The following SPPL2A variants were observed in gnomAD, a reference collection of about 807,000 sequenced individuals.
The protein encoded by SPPL2A is signal peptide peptidase like 2A, also known as signal peptide peptidase-like 2A.
In SPPL2A, 51 loss-of-function variants were observed where a neutral mutation model predicts 63.8. That is an observed-to-expected ratio of 0.80 (90% CI 0.64 to 1.01). SPPL2A has a LOEUF of 1.01. SPPL2A is among the 50% of genes least tolerant of loss of function. The pLI, the probability that SPPL2A is intolerant of heterozygous loss-of-function variation, is 0.00. For missense variants in SPPL2A, 553 were observed against 622.7 expected (o/e 0.89, Z 1.19); for synonymous variants, 188 against 205.8 (o/e 0.91, Z 0.74).
At position 50,765,536 on chromosome 15, in the gene SPPL2A, G is replaced by C; in HGVS notation, c.-3C>G. 3 of 1,494,088 alleles carry C rather than the reference G, an allele frequency of 2.0e-6. No homozygotes were observed. The highest frequency in any genetic ancestry group is 2.7e-6 in the Non-Finnish European group (3 of 1,129,508). 92.6% of individuals were successfully genotyped at this position (1,494,088 alleles called of 1,614,324 possible). A position where few individuals can be genotyped will look rare whatever the true frequency, so the allele number is the denominator to read the frequency against. ...GACAGCCGCCGCTGCGGCCCCATCG[G>C]ACTGGTGGGTGCCGGGTGGGACGGC... On this transcript the variant is annotated 5_prime_UTR_variant, in exon 1 of 15. Coordinates refer to ENST00000261854, the MANE Select transcript of SPPL2A (RefSeq NM_032802.4).
At chr15:50,736,868 G>C (rs562990015) in intron 6 of SPPL2A, 128 bp from the exon 7 acceptor site, 1 of 515,406 alleles carries the variant, frequency 1.9e-6, no homozygotes, top group African/African-American at 2.0e-5. Context: ...ACTATACGAT[G>C]ACCTGAATTA....
chr15:50,747,342 G>A (rs1411141898), intron 5 of SPPL2A, among the ~76,000 whole-genome samples, 153 bp downstream of exon 5: 2 of 152,178 alleles, frequency 1.3e-5, no homozygotes, highest in African/African-American at 2.4e-5. Context: ...TGGTGAAAAT[G>A]TAAATGATCT....
At chr15:50,709,678 T>A (rs2062541740) in intron 14 of SPPL2A, among the ~76,000 whole-genome samples, 2 of 151,888 alleles carry the variant, frequency 1.3e-5, no homozygotes, top group South Asian at 4.2e-4. Flanking sequence ...ATCCCAAACC[T>A]ACTCGGGAGA....
chr15:50,749,774 T>A, intron 1 of SPPL2A, 28 bp from the exon 2 acceptor site: 1 of 1,397,704 alleles, frequency 7.2e-7, no homozygotes, highest in Non-Finnish European at 1.0e-6. Context: ...ACTTTCAAAC[T>A]TGCAATGTTA....
At chr15:50,707,951 T>C in intron 14 of SPPL2A, 77 bp from the exon 15 acceptor site, 1 of 785,600 alleles carries the variant, frequency 1.3e-6, no homozygotes, top group Non-Finnish European at 2.3e-6. Flanking sequence ...GCAAAAGGAT[T>C]CTTTTTCTAA....
At chr15:50,753,340 A>G (rs2062925740) in intron 1 of SPPL2A, among the ~76,000 whole-genome samples, 1 of 152,246 alleles carries the variant, frequency 6.6e-6, no homozygotes, top group African/African-American at 2.4e-5. Context: ...TGAGGGAGCC[A>G]GCATGCCCAA....
chr15:50,755,188 C>T (rs973538247), intron 1 of SPPL2A, among the ~76,000 whole-genome samples: 2 of 151,622 alleles, frequency 1.3e-5, no homozygotes, highest in Admixed American at 6.6e-5. Flanking sequence ...CGTGGTGGCA[C>T]GTGCCTATAG....
intron 1 of SPPL2A, among the ~76,000 whole-genome samples, chr15:50,752,268 G>T (rs28859950): frequency 1 from 152,292 of 152,292 alleles, 76,146 homozygotes; most frequent in Non-Finnish European, 1. Flanking sequence ...CCAAATTTGG[G>T]CATTTAGAAC....
chr15:50,741,312 A>T (rs1048629446), intron 5 of SPPL2A, among the ~76,000 whole-genome samples: 1 of 151,714 alleles, frequency 6.6e-6, no homozygotes, highest in African/African-American at 2.4e-5. Flanking sequence ...ATTTAGGTTA[A>T]AAAAGTTTAT....
At chr15:50,757,089 C>CCTTTTTTTTTTTTTT (rs2062964050) in intron 1 of SPPL2A, among the ~76,000 whole-genome samples, 2 of 128,374 alleles carry the variant, frequency 1.6e-5, no homozygotes, top group Admixed American at 1.6e-4. Flanking sequence ...TAAATCCTTT[C>CCTTTTTTTTTTTTTT]TTTTTTTTTT....
chr15:50,753,166 C>A (rs924670584), intron 1 of SPPL2A, among the ~76,000 whole-genome samples: 8 of 152,048 alleles, frequency 5.3e-5, no homozygotes, highest in Admixed American at 3.3e-4. Context: ...CAGAAGATGT[C>A]CATAGTGAGT....
Position 50,707,670 on chromosome 15 carries a change from G to C in SPPL2A, c.*130C>G. 1 of 604,244 alleles carries C rather than the reference G, an allele frequency of 1.7e-6. No individual in the cohort carries two copies. Among genetic ancestry groups the C allele is most frequent in the Non-Finnish European group, 3.0e-6 (1 of 337,630 alleles). The allele number at this position is 604,244 out of a possible 1,614,324, so 37.4% of individuals were successfully genotyped here. On this transcript the variant is annotated 3_prime_UTR_variant, in exon 15 of 15. Coordinates refer to ENST00000261854, the MANE Select transcript of SPPL2A (RefSeq NM_032802.4). ...ATTTATGATGTAACTGTCAGTACCA[G>C]CTCATAAAAATATATTTTTGCAAGC...
At chr15:50,755,404 T>C (rs1462117763) in intron 1 of SPPL2A, among the ~76,000 whole-genome samples, 1 of 151,790 alleles carries the variant, frequency 6.6e-6, no homozygotes, top group Non-Finnish European at 1.5e-5. Context: ...GAGGGCCACT[T>C]GAGGCCAGGA....
intron 13 of SPPL2A, among the ~76,000 whole-genome samples, chr15:50,721,586 C>A (rs2141026320): frequency 6.6e-6 from 1 of 151,104 alleles, no homozygotes; most frequent in South Asian, 2.1e-4. Flanking sequence ...ATGACCACCA[C>A]ACACAGCTAA....
intron 1 of SPPL2A, among the ~76,000 whole-genome samples, chr15:50,753,186 ATATT>A (rs1490283052): frequency 2.0e-5 from 3 of 152,176 alleles, no homozygotes; most frequent in Non-Finnish European, 4.4e-5. Flanking sequence ...TTTTAGAGTG[ATATT>A]TATAGTATAA....
chr15:50,725,182 G>C (rs768833113), intron 12 of SPPL2A, 39 bp downstream of exon 12: 2 of 1,127,088 alleles, frequency 1.8e-6, no homozygotes, highest in Non-Finnish European at 2.7e-6. Flanking sequence ...AAAATCATCA[G>C]TGTTTTTTTT....
intron 13 of SPPL2A, among the ~76,000 whole-genome samples, chr15:50,720,941 A>G (rs1335548941): frequency 2.0e-5 from 3 of 152,180 alleles, no homozygotes; most frequent in Non-Finnish European, 4.4e-5. Context: ...AGGGAGTTTA[A>G]GTTGTCCAAA....
chr15:50,753,819 CAG>C (rs2062930191), intron 1 of SPPL2A, among the ~76,000 whole-genome samples: 1 of 151,832 alleles, frequency 6.6e-6, no homozygotes, highest in Non-Finnish European at 1.5e-5. Flanking sequence ...TTTTTTGAGA[CAG>C]AGTCTCACTC....
Position 50,720,120 on chromosome 15 carries a change from C to T in SPPL2A, c.1328-20G>A, listed in dbSNP as rs2062632810. 6.3e-7 allele frequency: 1 copy of T among 1,588,294 alleles called. No individual in the cohort carries two copies. The highest frequency in any genetic ancestry group is 8.5e-7 in the Non-Finnish European group (1 of 1,170,266). Reference sequence around the variant, plus strand: ...CATAGGCTGCAAGAAGAATACCAAGCTATAAGTCATTTCTACATGTTACCA... The same window carrying T: ...CATAGGCTGCAAGAAGAATACCAAGTTATAAGTCATTTCTACATGTTACCA... On this transcript the variant is annotated intron_variant, in intron 13 of 14. Coordinates refer to ENST00000261854, the MANE Select transcript of SPPL2A (RefSeq NM_032802.4).
Sources: allele counts gnomAD v4.1 joint callset (sites outside exome capture counted in the v4.1 genomes callset), GRCh38; gene constraint gnomAD v4.1.1; transcripts MANE v1.5; gene names NCBI Gene and HGNC (gene_info 2026-07-23, HGNC 2026-07-21).